PHLPP1: variants seen among roughly 807,000 people sequenced by gnomAD.
The protein encoded by PHLPP1 is PH domain and leucine rich repeat protein phosphatase 1, also known as PH domain leucine-rich repeat-containing protein phosphatase 1.
A neutral mutation model predicts 117.2 loss-of-function variants in PHLPP1; 42 were observed. The ratio of observed to expected loss-of-function variants is 0.36; its 90% CI spans 0.28 to 0.46. The LOEUF is 0.46. Among genes scored for constraint, PHLPP1 ranks in the 20% least tolerant of loss-of-function variants. The pLI, the probability that PHLPP1 is intolerant of heterozygous loss-of-function variation, is 1.00. For missense variants in PHLPP1, 2,084 were observed against 2,241.9 expected (o/e 0.93, Z 1.42); for synonymous variants, 1,042 against 970.7 (o/e 1.07, Z -1.37).
chr18:62,764,163 C>CAAA (rs34939800), intron 1 of PHLPP1, among the ~76,000 whole-genome samples: 66 of 78,522 alleles, frequency 8.4e-4, no homozygotes, highest in East Asian at 1.2e-3. Flanking sequence ...AACTCCATCT[C>CAAA]AAAAAAAAAA....
chr18:62,812,851 A>G (rs1914163510), intron 1 of PHLPP1, among the ~76,000 whole-genome samples: 1 of 152,132 alleles, frequency 6.6e-6, no homozygotes, highest in Non-Finnish European at 1.5e-5. Context: ...AGAATGTTGA[A>G]TGTGGTGGAA....
intron 1 of PHLPP1, among the ~76,000 whole-genome samples, chr18:62,817,604 A>T (rs1002009474): frequency 1.3e-5 from 2 of 152,126 alleles, no homozygotes; most frequent in Non-Finnish European, 2.9e-5. Flanking sequence ...CTGTGGGATA[A>T]CTTCAAGTGT....
At chr18:62,947,054 A>G (rs1168997579) in intron 12 of PHLPP1, among the ~76,000 whole-genome samples, 3 of 152,220 alleles carry the variant, frequency 2.0e-5, no homozygotes, top group African/African-American at 7.2e-5. Flanking sequence ...CTCCGTCTCA[A>G]AAAACAAACA....
chr18:62,748,666 A>G (rs1911751365), intron 1 of PHLPP1, among the ~76,000 whole-genome samples: 1 of 152,098 alleles, frequency 6.6e-6, no homozygotes, highest in Admixed American at 6.5e-5. Flanking sequence ...TAATATGATG[A>G]TAGCTTTTTT....
chr18:62,828,871 T>C (rs900735575), intron 1 of PHLPP1, among the ~76,000 whole-genome samples: 2 of 152,226 alleles, frequency 1.3e-5, no homozygotes, highest in African/African-American at 4.8e-5. Flanking sequence ...ATATCTCTTA[T>C]TAACTTATCT....
At chr18:62,977,496 T>C (rs1200359242) in intron 16 of PHLPP1, among the ~76,000 whole-genome samples, 1 of 150,634 alleles carries the variant, frequency 6.6e-6, no homozygotes, top group Admixed American at 6.6e-5. Flanking sequence ...CTTTGGTAAT[T>C]GATTTAAATA....
chr18:62,920,202 C>A, intron 10 of PHLPP1, 88 bp downstream of exon 10: 2 of 1,225,518 alleles, frequency 1.6e-6, no homozygotes, highest in African/African-American at 1.5e-5. Context: ...ACTGTATAAA[C>A]TTTCTGAGTA....
chr18:62,733,364 G>A (rs1244383854), intron 1 of PHLPP1, among the ~76,000 whole-genome samples: 1 of 152,188 alleles, frequency 6.6e-6, no homozygotes, highest in Non-Finnish European at 1.5e-5. Context: ...TAAGGTGTGT[G>A]CATTGTGCTT....
intron 10 of PHLPP1, among the ~76,000 whole-genome samples, chr18:62,920,716 C>T (rs925475419): frequency 1.3e-5 from 2 of 152,056 alleles, no homozygotes; most frequent in East Asian, 1.9e-4. Context: ...TGTGCCACCA[C>T]GCCCAGCTAA....
chr18:62,821,548 C>CAAAAAAAAAAAAAAAAAAAAAAAAAAAA (rs1568127680), intron 1 of PHLPP1, among the ~76,000 whole-genome samples: 16 of 29,324 alleles, frequency 5.5e-4, no homozygotes, highest in Non-Finnish European at 5.7e-4. Context: ...GACCCTTTAT[C>CAAAAAAAAAAAAAAAAAAAAAAAAAAAA]CAAAAAAAAA....
intron 1 of PHLPP1, among the ~76,000 whole-genome samples, chr18:62,733,873 C>T (rs904175333): frequency 2.6e-5 from 4 of 152,092 alleles, no homozygotes; most frequent in African/African-American, 7.2e-5. Flanking sequence ...TACAGTCGAC[C>T]GAGTTTAGGA....
chr18:62,772,965 A>C (rs143032235), intron 1 of PHLPP1, among the ~76,000 whole-genome samples: 1,762 of 151,548 alleles, frequency 0.012, 13 homozygotes, highest in Non-Finnish European at 0.015. Flanking sequence ...CCACCCCCCC[A>C]AAAAAAACTC....
intron 10 of PHLPP1, among the ~76,000 whole-genome samples, chr18:62,924,328 G>A (rs977120159): frequency 3.2e-4 from 49 of 151,900 alleles, no homozygotes; most frequent in African/African-American, 5.1e-4. Context: ...TCTGTGTTTC[G>A]TTATATAACT....
chr18:62,802,319 G>A (rs1305224177), intron 1 of PHLPP1, among the ~76,000 whole-genome samples: 1 of 152,156 alleles, frequency 6.6e-6, no homozygotes, highest in African/African-American at 2.4e-5. Flanking sequence ...GAAGTGATAA[G>A]GTTCCCAAGT....
intron 1 of PHLPP1, among the ~76,000 whole-genome samples, chr18:62,767,962 A>G (rs540207604): frequency 2.6e-4 from 39 of 152,284 alleles, no homozygotes; most frequent in African/African-American, 8.7e-4. Context: ...AAGAAAAGAG[A>G]ATTGACTTAA....
In PHLPP1 at chr18:62,722,496, C is replaced by CT. The variant is rs200248612; in HGVS notation, c.1576+5246dup. 1.5e-3 allele frequency among the ~76,000 whole-genome samples: 232 copies of CT among 151,466 alleles called. 1 individual carries two copies. The highest frequency in any genetic ancestry group is 5.3e-3 in the African/African-American group (218 of 41,290). ...CTAAAACAGCCTGGGAAAATGAAGT[C>CT]TTTTTTTTTCTTTAAAGTTCCACCT... On this transcript the variant is annotated intron_variant, in intron 1 of 16. Transcript: ENST00000262719.
intron 1 of PHLPP1, among the ~76,000 whole-genome samples, chr18:62,763,024 C>T (rs1367822868): frequency 3.3e-5 from 5 of 152,204 alleles, no homozygotes; most frequent in Non-Finnish European, 7.3e-5. Flanking sequence ...CCTTTAAATA[C>T]ACTTTGCAGC....
chr18:62,958,845 G>A, intron 13 of PHLPP1, 86 bp downstream of exon 13: 1 of 1,464,896 alleles, frequency 6.8e-7, no homozygotes, highest in South Asian at 1.2e-5. Context: ...AACAAAATAT[G>A]AAGCATCATT....
chr18:62,716,226 C>G lies in PHLPP1; in HGVS notation c.543C>G (p.His181Gln). Residue 181 changes from histidine to glutamine, a missense_variant, in exon 1 of 17, where the codon CAC becomes CAG. Transcript: ENST00000262719. The surrounding 1 kb of genome is among the most constrained non-coding windows in gnomAD (Gnocchi z 5.7). ...ACAGGAAGACGCTGCTTCTGAAGCA[C>G]CGGCAGACGCTGCAGCTGCAGCCGT... ...SLDRKTLLLK[H>Q]RQTLQLQPSD... 2 of 1,528,656 alleles carry G rather than the reference C, an allele frequency of 1.3e-6. No individual in the cohort carries two copies. Among genetic ancestry groups the G allele is most frequent in the Non-Finnish European group, 1.7e-6 (2 of 1,143,644 alleles). The allele number at this position is 1,528,656 out of a possible 1,614,324, so 94.7% of individuals were successfully genotyped here.
Sources: allele counts gnomAD v4.1 joint callset (sites outside exome capture counted in the v4.1 genomes callset), GRCh38; gene constraint gnomAD v4.1.1; non-coding constraint Gnocchi (gnomAD v3.1); transcripts MANE v1.5; gene names NCBI Gene and HGNC (gene_info 2026-07-23, HGNC 2026-07-21).